The following NCAPG2 variants were observed in gnomAD, a reference collection of about 807,000 sequenced individuals.
NCAPG2 encodes non-SMC condensin II complex subunit G2, also known as condensin-2 complex subunit G2.
A neutral mutation model predicts 141.1 loss-of-function variants in NCAPG2; 53 were observed. The ratio of observed to expected loss-of-function variants is 0.38; its 90% CI spans 0.30 to 0.47. NCAPG2 has a LOEUF of 0.47. Among genes scored for constraint, NCAPG2 ranks in the 20% least tolerant of loss-of-function variants. NCAPG2 has a pLI of 0.99. For synonymous variants in NCAPG2, 499 were observed against 490.7 expected (o/e 1.02, Z -0.22); for missense variants, 1,087 against 1,389.0 (o/e 0.78, Z 3.46).
rs757616998 is a variant in NCAPG2 at position 158,645,503 on chromosome 7, G to A, written c.3280+16C>T. 2.5e-6 allele frequency: 4 copies of A among 1,608,478 alleles called. No individual in the cohort carries two copies. The highest frequency in any genetic ancestry group is 3.4e-6 in the Non-Finnish European group (4 of 1,174,868). ...CACCAGCCACCTTCCAGATGACAGA[G>A]GGGAATGTAACCAACCTGCATTAAT... On this transcript the variant is annotated intron_variant, in intron 26 of 27. Coordinates refer to ENST00000356309, the MANE Select transcript of NCAPG2 (RefSeq NM_017760.7).
At chr7:158,636,449 T>C (rs1830204948) in intron 27 of NCAPG2, among the ~76,000 whole-genome samples, 1 of 150,638 alleles carries the variant, frequency 6.6e-6, no homozygotes, top group Non-Finnish European at 1.5e-5. Context: ...ATGCCCAGGC[T>C]GGAGTGCAAT....
chr7:158,644,169 A>G (rs1030697220), intron 27 of NCAPG2, 120 bp downstream of exon 27: 1 of 727,086 alleles, frequency 1.4e-6, no homozygotes, highest in African/African-American at 1.8e-5. Context: ...CTCTCCTTAG[A>G]GTCCCCAGTC....
At chr7:158,683,775 C>T (rs1285565357) in intron 8 of NCAPG2, among the ~76,000 whole-genome samples, 1 of 152,204 alleles carries the variant, frequency 6.6e-6, no homozygotes, top group African/African-American at 2.4e-5. Context: ...TGGATTTGTT[C>T]CAACAGCCTC....
intron 9 of NCAPG2, among the ~76,000 whole-genome samples, chr7:158,683,093 T>C (rs548852662): frequency 6.6e-6 from 1 of 152,318 alleles, no homozygotes; most frequent in Non-Finnish European, 1.5e-5. Context: ...TCAAATACAA[T>C]ACTAACCATC....
intron 2 of NCAPG2, among the ~76,000 whole-genome samples, chr7:158,700,059 T>C (rs529347867): frequency 9.2e-5 from 14 of 152,298 alleles, no homozygotes; most frequent in African/African-American, 3.4e-4. Flanking sequence ...CCCAAACTGA[T>C]TTAAATTCTT....
intron 13 of NCAPG2, among the ~76,000 whole-genome samples, chr7:158,666,832 A>G (rs890156018): frequency 2.0e-5 from 3 of 152,164 alleles, no homozygotes; most frequent in Non-Finnish European, 4.4e-5. Context: ...CTCCTGGCCC[A>G]CTGGGCTCAG....
chr7:158,677,539 A>AAAAAAAAAAAAAAG (rs1834162743), intron 11 of NCAPG2, among the ~76,000 whole-genome samples: 1 of 151,020 alleles, frequency 6.6e-6, no homozygotes, highest in Non-Finnish European at 1.5e-5. Context: ...AAAAAAAAAA[A>AAAAAAAAAAAAAAG]AAAAAAAAAC....
chr7:158,631,561 C>T lies in NCAPG2; in HGVS notation c.*105G>A. The T allele has an allele frequency of 9.2e-7, 1 of 1,089,552 alleles. No individual in the cohort carries two copies. Among genetic ancestry groups the T allele is most frequent in the Non-Finnish European group, 1.4e-6 (1 of 723,996 alleles). 67.5% of individuals were successfully genotyped at this position (1,089,552 alleles called of 1,614,324 possible). A position where few individuals can be genotyped will look rare whatever the true frequency, so the allele number is the denominator to read the frequency against. ...TTCCCACAAAAAAATCCCACCCTTT[C>T]CCTATTATATGGGTTATTAACATTA... On this transcript the variant is annotated 3_prime_UTR_variant, in exon 28 of 28. Transcript: ENST00000356309.
intron 15 of NCAPG2, among the ~76,000 whole-genome samples, chr7:158,663,819 C>G (rs1469111982): frequency 6.6e-6 from 1 of 152,154 alleles, no homozygotes; most frequent in Non-Finnish European, 1.5e-5. Context: ...GCTTTGGATT[C>G]TGAAGAAATT....
At chr7:158,664,064 A>G (rs1832730469) in intron 15 of NCAPG2, 120 bp downstream of exon 15, 2 of 783,812 alleles carry the variant, frequency 2.6e-6, no homozygotes, top group Non-Finnish European at 4.2e-6. Flanking sequence ...TTCCAAAATA[A>G]CTTGTTTAAT....
chr7:158,660,134 C>A (rs1361625030), intron 16 of NCAPG2, among the ~76,000 whole-genome samples: 2 of 151,626 alleles, frequency 1.3e-5, no homozygotes, highest in African/African-American at 2.4e-5. Context: ...GTTAATGTTA[C>A]AAGTATACTG....
intron 10 of NCAPG2, among the ~76,000 whole-genome samples, chr7:158,680,459 G>A (rs562790716): frequency 2.0e-5 from 3 of 152,202 alleles, no homozygotes; most frequent in Admixed American, 6.5e-5. Context: ...TTTGCTTTAC[G>A]GCATGCCTCT....
At chr7:158,703,914 A>AG (rs1314211313) in intron 1 of NCAPG2, among the ~76,000 whole-genome samples, 1 of 152,040 alleles carries the variant, frequency 6.6e-6, no homozygotes, top group Admixed American at 6.5e-5. Context: ...CCCAGGGCTC[A>AG]GGGGGACTCT....
chr7:158,670,897 T>C lies in NCAPG2; in HGVS notation c.1479+617A>G, dbSNP rs561572695. Among the ~76,000 whole-genome samples, 4 of 152,282 alleles carry C rather than the reference T, an allele frequency of 2.6e-5. No homozygotes were observed. The East Asian group carries it at 5.8e-4, about 22-fold the overall frequency. ...CACTCAAAGTAAATTTCTGAGAAGC[T>C]ACTGTGTGGAGAAAGTTCACAATGG... On this transcript the variant is annotated intron_variant, in intron 13 of 27. Transcript: ENST00000356309.
intron 2 of NCAPG2, among the ~76,000 whole-genome samples, chr7:158,694,986 T>C (rs1239931442): frequency 1.3e-5 from 2 of 152,206 alleles, no homozygotes; most frequent in African/African-American, 2.4e-5. Flanking sequence ...GATCTACCTA[T>C]AGACCCGACA....
chr7:158,664,765 C>T lies in NCAPG2; in HGVS notation c.1480-15G>A, dbSNP rs758091390. 1.9e-5 allele frequency: 31 copies of T among 1,603,050 alleles called. No homozygotes were observed. The Admixed American group carries it at 5.0e-4, about 26-fold the overall frequency. On this transcript the variant is annotated splice_polypyrimidine_tract_variant and intron_variant, in intron 13 of 27. Coordinates refer to ENST00000356309, the MANE Select transcript of NCAPG2 (RefSeq NM_017760.7). ...ATTTTCCAAAACTGTGCAAAAAGCA[C>T]ATATGCAGAAGGAAATAATCAATTG...
intron 27 of NCAPG2, among the ~76,000 whole-genome samples, chr7:158,638,437 G>A (rs1027524802): frequency 1.5e-4 from 23 of 151,928 alleles, no homozygotes; most frequent in African/African-American, 4.1e-4. Context: ...ATGAGGTCTC[G>A]CTGTGTTGCT....
chr7:158,665,690 C>G (rs779711464), intron 13 of NCAPG2, among the ~76,000 whole-genome samples: 4 of 152,158 alleles, frequency 2.6e-5, no homozygotes, highest in Non-Finnish European at 4.4e-5. Context: ...GTCAGTCGAC[C>G]TGCTCCTAAG....
At chr7:158,644,227 G>A (rs1306148343) in intron 27 of NCAPG2, 62 bp downstream of exon 27, 2 of 1,355,126 alleles carry the variant, frequency 1.5e-6, no homozygotes, top group Middle Eastern at 1.8e-4. Flanking sequence ...ACAACCTCAT[G>A]CAGATCCAAA....
Sources: allele counts gnomAD v4.1 joint callset (sites outside exome capture counted in the v4.1 genomes callset), GRCh38; gene constraint gnomAD v4.1.1; transcripts MANE v1.5; gene names NCBI Gene and HGNC (gene_info 2026-07-23, HGNC 2026-07-21).